Variants in RABGAP1L observed in about 807,000 individuals in gnomAD.
RABGAP1L encodes RAB GTPase activating protein 1 like.
RABGAP1L carries 63 observed loss-of-function variants against 137.7 expected under a neutral mutation model. That is an observed-to-expected ratio of 0.46 (90% CI 0.37 to 0.56). The LOEUF (loss-of-function observed/expected upper bound fraction) is 0.56, where lower values mean the gene tolerates loss of function less well. Ranked by LOEUF, RABGAP1L falls within the 20% of genes least tolerant of loss-of-function variation. The probability of loss-of-function intolerance (pLI) is 0.00; values close to 1 mark genes in which losing one functional copy is unlikely to be tolerated. For missense variants in RABGAP1L, 1,095 were observed against 1,244.0 expected, an observed-to-expected ratio of 0.88 and a Z score of 1.80; for synonymous variants, 431 against 433.7, an observed-to-expected ratio of 0.99 and a Z score of 0.08.
Position 174,613,734 on chromosome 1 carries a change from G to A in RABGAP1L, c.1711-23641G>A, listed in dbSNP as rs191648962. 2.8e-4 allele frequency among the ~76,000 whole-genome samples: 42 copies of A among 152,226 alleles called. 1 individual carries two copies. The highest frequency in any genetic ancestry group is 9.6e-4 in the African/African-American group (40 of 41,540). On this transcript the variant is annotated intron_variant, in intron 13 of 25. Coordinates refer to ENST00000681986, the MANE Select transcript of RABGAP1L (RefSeq NM_001366446.1). ...ACTCAGGACTTGCATTATGAATCTG[G>A]GTGCTCCTGTATTGGGTGCATATAT...
chr1:174,624,325 C>T (rs1672780013), intron 13 of RABGAP1L, among the ~76,000 whole-genome samples: 2 of 152,100 alleles, frequency 1.3e-5, no homozygotes, highest in Admixed American at 1.3e-4. Flanking sequence ...TAACATTGCC[C>T]ATATAGTTTT....
chr1:174,826,474 G>A (rs1359671098), intron 19 of RABGAP1L, among the ~76,000 whole-genome samples: 7 of 152,026 alleles, frequency 4.6e-5, no homozygotes, highest in Non-Finnish European at 1.0e-4. Flanking sequence ...CACCTGCCTC[G>A]GCCTCTGAAA....
chr1:174,275,723 T>G (rs900066893), intron 8 of RABGAP1L, 110 bp from the exon 9 acceptor site: 43 of 702,898 alleles, frequency 6.1e-5, no homozygotes, highest in Non-Finnish European at 9.3e-5. Flanking sequence ...AGCTCCTGCT[T>G]GACTGTTAAT....
At chr1:174,835,545 C>A (rs1894199) in intron 19 of RABGAP1L, among the ~76,000 whole-genome samples, 1 of 151,966 alleles carries the variant, frequency 6.6e-6, no homozygotes, top group African/African-American at 2.4e-5. Context: ...GTAAAATATT[C>A]GGAGAGAGAC....
chr1:174,895,807 A>G (rs977618202), intron 19 of RABGAP1L, among the ~76,000 whole-genome samples: 1 of 152,140 alleles, frequency 6.6e-6, no homozygotes, highest in Admixed American at 6.6e-5. Flanking sequence ...ATTCCATGGT[A>G]TATATGTGCC....
chr1:174,842,869 A>G (rs763030632), intron 19 of RABGAP1L, among the ~76,000 whole-genome samples: 4 of 152,112 alleles, frequency 2.6e-5, no homozygotes, highest in African/African-American at 7.2e-5. Flanking sequence ...TTATTTAATT[A>G]TTCTTTAAAT....
intron 18 of RABGAP1L, among the ~76,000 whole-genome samples, chr1:174,790,094 C>T (rs1687736587): frequency 6.6e-6 from 1 of 151,668 alleles, no homozygotes; most frequent in South Asian, 2.1e-4. Flanking sequence ...CCTGTGGTTC[C>T]AGCTGCACAG....
At chr1:174,783,120 C>T (rs1022669849) in intron 18 of RABGAP1L, among the ~76,000 whole-genome samples, 3 of 152,146 alleles carry the variant, frequency 2.0e-5, no homozygotes, top group Admixed American at 6.6e-5. Context: ...GACTTCCAGC[C>T]CTCTGGATCC....
intron 17 of RABGAP1L, among the ~76,000 whole-genome samples, chr1:174,734,186 G>T (rs1682738700): frequency 6.6e-6 from 1 of 152,108 alleles, no homozygotes; most frequent in South Asian, 2.1e-4. Context: ...TAAGATAGTT[G>T]AATATATGAT....
rs928337206 is a variant in RABGAP1L, at chr1:174,232,051, A to C, written c.542+696A>C. On this transcript the variant is annotated intron_variant, in intron 4 of 25. Transcript: ENST00000681986. ...TATTTCTCTATCCTGAATGAGCATA[A>C]AAATCTGCCTTCAGCTTCTGAAGTA... 2.6e-5 allele frequency among the ~76,000 whole-genome samples: 4 copies of C among 152,194 alleles called. 1 individual carries two copies. Among genetic ancestry groups the C allele is most frequent in the Admixed American group, 2.0e-4 (3 of 15,278 alleles).
intron 19 of RABGAP1L, among the ~76,000 whole-genome samples, chr1:174,837,620 T>G (rs1021005421): frequency 1.3e-5 from 2 of 152,240 alleles, no homozygotes; most frequent in Non-Finnish European, 2.9e-5. Context: ...AAACAAATGC[T>G]ATGCCAAATA....
intron 18 of RABGAP1L, among the ~76,000 whole-genome samples, chr1:174,778,697 C>T (rs1407201046): frequency 6.6e-6 from 1 of 151,896 alleles, no homozygotes; most frequent in Admixed American, 6.6e-5. Flanking sequence ...TGGGTTCAAG[C>T]GATTCTCCTG....
At chr1:174,268,501 C>G (rs1037855247) in intron 7 of RABGAP1L, among the ~76,000 whole-genome samples, 1 of 152,060 alleles carries the variant, frequency 6.6e-6, no homozygotes, top group Non-Finnish European at 1.5e-5. Context: ...CTGCGCCCAG[C>G]CACTTTTTCA....
intron 8 of RABGAP1L, 87 bp downstream of exon 8, chr1:174,272,567 T>C: frequency 1.4e-6 from 2 of 1,397,878 alleles, no homozygotes; most frequent in Non-Finnish European, 9.3e-7. Context: ...AATTTTGTCA[T>C]ATTGTCAAAA....
intron 13 of RABGAP1L, among the ~76,000 whole-genome samples, chr1:174,433,582 G>T (rs1558229694): frequency 6.6e-6 from 1 of 152,138 alleles, no homozygotes; most frequent in African/African-American, 2.4e-5. Flanking sequence ...ACTGGCATTT[G>T]ATATGTCTTT....
chr1:174,403,084 A>T (rs932003506), intron 13 of RABGAP1L, among the ~76,000 whole-genome samples: 2 of 152,126 alleles, frequency 1.3e-5, no homozygotes, highest in Non-Finnish European at 2.9e-5. Context: ...AAATCAAAAG[A>T]TGCTTTTAAT....
intron 13 of RABGAP1L, among the ~76,000 whole-genome samples, chr1:174,422,369 T>C (rs1651418064): frequency 6.6e-6 from 1 of 150,792 alleles, no homozygotes; most frequent in Non-Finnish European, 1.5e-5. Flanking sequence ...CATCAAGATT[T>C]AAGTAGATTT....
At chr1:174,218,123 T>C (rs1208418734) in intron 1 of RABGAP1L, among the ~76,000 whole-genome samples, 1 of 152,104 alleles carries the variant, frequency 6.6e-6, no homozygotes, top group African/African-American at 2.4e-5. Context: ...GGGTTCTTTT[T>C]TGTCTTTCAG....
intron 13 of RABGAP1L, among the ~76,000 whole-genome samples, chr1:174,430,508 A>G (rs61826871): frequency 0.015 from 2,282 of 152,304 alleles, 18 homozygotes; most frequent in Non-Finnish European, 0.025. Context: ...ATTGAACGCT[A>G]ATTGCATGAA....
Sources: gnomAD v4.1 joint callset for allele counts (sites outside exome capture counted in the v4.1 genomes callset) on GRCh38, gnomAD v4.1.1 for gene constraint, MANE v1.5 for transcripts, NCBI Gene and HGNC (gene_info 2026-07-23, HGNC 2026-07-21) for gene names.